Variants in SLC30A8 observed in about 807,000 individuals in gnomAD.
The protein encoded by SLC30A8 is proton-coupled zinc antiporter SLC30A8.
SLC30A8 carries 27 observed loss-of-function variants against 36.9 expected under a neutral mutation model. The ratio of observed to expected loss-of-function variants is 0.73; its 90% CI spans 0.54 to 1.01. The LOEUF (loss-of-function observed/expected upper bound fraction) is 1.01, where lower values mean the gene tolerates loss of function less well. Ranked by LOEUF, SLC30A8 falls within the 50% of genes least tolerant of loss-of-function variation. The probability of loss-of-function intolerance (pLI) is 0.00; values close to 1 mark genes in which losing one functional copy is unlikely to be tolerated. For missense variants in SLC30A8, 439 were observed against 452.0 expected, an observed-to-expected ratio of 0.97 and a Z score of 0.26; for synonymous variants, 164 against 172.4, an observed-to-expected ratio of 0.95 and a Z score of 0.38.
At chr8:116,959,778 A>G (rs1291467914) in intron 1 of SLC30A8, among the ~76,000 whole-genome samples, 10 of 152,190 alleles carry the variant, frequency 6.6e-5, no homozygotes, top group Non-Finnish European at 2.9e-5. Flanking sequence ...GACAGGCGCT[A>G]TTCCCAGCCT....
chr8:117,076,141 C>T (rs908821096), intron 2 of SLC30A8, among the ~76,000 whole-genome samples: 1 of 151,918 alleles, frequency 6.6e-6, no homozygotes, highest in Non-Finnish European at 1.5e-5. Flanking sequence ...TTTTCTGTAC[C>T]CCCTTCAGCT....
intron 2 of SLC30A8, among the ~76,000 whole-genome samples, chr8:117,095,930 G>A (rs192791666): frequency 6.6e-6 from 1 of 152,308 alleles, no homozygotes; most frequent in East Asian, 1.9e-4. Flanking sequence ...GTCACACCCA[G>A]TTTGGGTAAG....
chr8:117,062,248 G>T (rs1818040621), intron 2 of SLC30A8, among the ~76,000 whole-genome samples: 1 of 152,150 alleles, frequency 6.6e-6, no homozygotes, highest in African/African-American at 2.4e-5. Flanking sequence ...TAGTTAGGTT[G>T]TTCTTGTATT....
intron 1 of SLC30A8, among the ~76,000 whole-genome samples, chr8:116,952,976 AGATACT>A: frequency 6.6e-6 from 1 of 151,906 alleles, no homozygotes. Context: ...CTCAGCACCG[AGATACT>A]GAGCATAGTG....
chr8:117,064,547 T>G (rs1818111140), intron 2 of SLC30A8, among the ~76,000 whole-genome samples: 1 of 152,168 alleles, frequency 6.6e-6, no homozygotes, highest in Non-Finnish European at 1.5e-5. Flanking sequence ...CACCAGCAAT[T>G]GCTGAAGAGG....
intron 2 of SLC30A8, among the ~76,000 whole-genome samples, chr8:117,061,175 A>G (rs942917003): frequency 1.3e-5 from 2 of 152,234 alleles, no homozygotes; most frequent in Non-Finnish European, 2.9e-5. Context: ...GTCCTTTTTC[A>G]GTGATTCTCA....
chr8:117,075,727 T>G (rs926769795), intron 2 of SLC30A8, among the ~76,000 whole-genome samples: 1 of 152,224 alleles, frequency 6.6e-6, no homozygotes, highest in Non-Finnish European at 1.5e-5. Flanking sequence ...ATGACCTTTG[T>G]AGAATGCAAA....
At chr8:117,055,128 G>A (rs557495892) in intron 2 of SLC30A8, among the ~76,000 whole-genome samples, 1 of 152,176 alleles carries the variant, frequency 6.6e-6, no homozygotes, top group African/African-American at 2.4e-5. Flanking sequence ...GAGCTTGAAA[G>A]TGCGGGGTTA....
In SLC30A8 at chr8:116,961,302, G is replaced by A. The variant is rs564991979; in HGVS notation, c.-266+10183G>A. Among the ~76,000 whole-genome samples, 4 of 152,240 alleles carry A rather than the reference G, an allele frequency of 2.6e-5. No homozygotes were observed. In the East Asian group the frequency reaches 7.7e-4, roughly 29 times the overall value. ...AAATTAGCCGGGCGTGGTGGCAGGT[G>A]CCTGTGGTCCCAGCTACTCGGGAGG... On this transcript the variant is annotated intron_variant, in intron 1 of 10. Transcript: ENST00000427715.
At chr8:117,043,170 G>A (rs1451925836) in intron 2 of SLC30A8, among the ~76,000 whole-genome samples, 1 of 152,130 alleles carries the variant, frequency 6.6e-6, no homozygotes, top group Non-Finnish European at 1.5e-5. Flanking sequence ...TAGAGAAAAA[G>A]CAAAAATGTA....
intron 1 of SLC30A8, among the ~76,000 whole-genome samples, chr8:116,974,159 CAA>C (rs1460385124): frequency 6.6e-6 from 1 of 152,162 alleles, no homozygotes; most frequent in Non-Finnish European, 1.5e-5. Context: ...ACACCAAAAA[CAA>C]TGGCAACAAA....
chr8:117,100,833 C>A (rs1055543658), intron 2 of SLC30A8, among the ~76,000 whole-genome samples: 1 of 152,110 alleles, frequency 6.6e-6, no homozygotes, highest in Non-Finnish European at 1.5e-5. Flanking sequence ...CTGTTAATTT[C>A]ATAAAATTGT....
intron 1 of SLC30A8, among the ~76,000 whole-genome samples, chr8:117,032,119 G>A (rs1342309039): frequency 6.6e-6 from 1 of 151,340 alleles, no homozygotes; most frequent in Admixed American, 6.6e-5. Context: ...TCCTACGCAT[G>A]CTTTGTGATC....
rs4258033 is a variant in SLC30A8 at position 116,983,430 on chromosome 8, G to T, written c.-266+32311G>T. On this transcript the variant is annotated intron_variant, in intron 1 of 10. Coordinates refer to the SLC30A8 transcript ENST00000427715. Reference sequence around the variant, plus strand: ...GGAAATAATCCAAGGTACATGAAAAGAATATTTAGTCTCCATTTGTAGAGT... The same window carrying T: ...GGAAATAATCCAAGGTACATGAAAATAATATTTAGTCTCCATTTGTAGAGT... 5.5e-3 allele frequency among the ~76,000 whole-genome samples: 836 copies of T among 152,186 alleles called. 7 individuals are homozygous for T. Among genetic ancestry groups the T allele is most frequent in the African/African-American group, 0.019 (793 of 41,534 alleles).
At chr8:117,140,644 A>G (rs557694031) in intron 1 of SLC30A8, among the ~76,000 whole-genome samples, 4 of 152,218 alleles carry the variant, frequency 2.6e-5, no homozygotes. Flanking sequence ...ATAATCTTAC[A>G]TCTACCTAAA....
At chr8:116,982,601 G>A (rs530836298) in intron 1 of SLC30A8, among the ~76,000 whole-genome samples, 7 of 152,238 alleles carry the variant, frequency 4.6e-5, no homozygotes, top group Middle Eastern at 3.4e-3. Context: ...GTGGGTGGCT[G>A]GAACCTGTCC....
chr8:116,965,467 A>G (rs967265331), intron 1 of SLC30A8, among the ~76,000 whole-genome samples: 5 of 152,246 alleles, frequency 3.3e-5, no homozygotes, highest in Admixed American at 3.3e-4. Context: ...ACATTGGACT[A>G]TTTTAAAAAT....
intron 1 of SLC30A8, among the ~76,000 whole-genome samples, chr8:117,031,383 A>C (rs1190309669): frequency 2.6e-5 from 4 of 152,130 alleles, no homozygotes; most frequent in African/African-American, 9.7e-5. Flanking sequence ...GAATTTTGAG[A>C]AATGCATTTA....
intron 1 of SLC30A8, among the ~76,000 whole-genome samples, chr8:116,983,818 T>A (rs956985363): frequency 1.3e-5 from 2 of 152,180 alleles, no homozygotes; most frequent in South Asian, 4.1e-4. Flanking sequence ...TTGACATTGG[T>A]ACAACTCACA....
Sources: gnomAD v4.1 joint callset for allele counts (sites outside exome capture counted in the v4.1 genomes callset) on GRCh38, gnomAD v4.1.1 for gene constraint, MANE v1.5 for transcripts, NCBI Gene and HGNC (gene_info 2026-07-23, HGNC 2026-07-21) for gene names.